Variants in NPHP3 observed in about 807,000 individuals in gnomAD.
The protein encoded by NPHP3 is nephrocystin 3.
Under a neutral mutation model 171.9 loss-of-function variants are expected in NPHP3, and 123 were observed. That is an observed-to-expected ratio of 0.72 (90% CI 0.62 to 0.83). The LOEUF is 0.83. Ranked by LOEUF, NPHP3 falls within the 40% of genes least tolerant of loss-of-function variation. NPHP3 has a pLI of 0.00. For missense variants in NPHP3, 1,506 were observed against 1,591.9 expected (o/e 0.95, Z 0.92); for synonymous variants, 558 against 579.2 (o/e 0.96, Z 0.52).
intron 4 of NPHP3, 44 bp downstream of exon 4, chr3:132,716,713 A>G (rs752033790): frequency 3.1e-6 from 5 of 1,592,466 alleles, no homozygotes; most frequent in African/African-American, 1.3e-5. Flanking sequence ...AAACATGAAC[A>G]GTCACTACCA....
chr3:132,710,259 G>A (rs938430169), intron 6 of NPHP3, among the ~76,000 whole-genome samples: 1 of 151,772 alleles, frequency 6.6e-6, no homozygotes, highest in African/African-American at 2.4e-5. Context: ...CAGTAAAGCT[G>A]AGGCATAATG....
chr3:132,697,890 T>TG (rs1429149660), intron 13 of NPHP3, among the ~76,000 whole-genome samples: 1 of 152,162 alleles, frequency 6.6e-6, no homozygotes, highest in African/African-American at 2.4e-5. Flanking sequence ...TAAAATTTCT[T>TG]GGGGGAGGCA....
chr3:132,711,925 G>T (rs1034137562), intron 6 of NPHP3, among the ~76,000 whole-genome samples: 25 of 152,170 alleles, frequency 1.6e-4, no homozygotes, highest in African/African-American at 6.0e-4. Context: ...TCTACAATGG[G>T]TTATGCTACA....
intron 23 of NPHP3, chr3:132,685,452 A>AT (rs1183152625): frequency 6.6e-6 from 1 of 152,162 alleles, no homozygotes; most frequent in Non-Finnish European, 1.5e-5. Context: ...ATAAATCATT[A>AT]TTTTTTATAT....
chr3:132,691,571 A>T (rs1939300821), intron 17 of NPHP3, among the ~76,000 whole-genome samples: 1 of 152,210 alleles, frequency 6.6e-6, no homozygotes, highest in African/African-American at 2.4e-5. Context: ...AAAAAGAATA[A>T]ATTATATTCA....
At position 132,697,310 on chromosome 3, in the gene NPHP3, T is replaced by C; in HGVS notation, c.2038A>G (p.Ile680Val). 1.9e-6 allele frequency: 3 copies of C among 1,612,604 alleles called. No homozygotes were observed. The highest frequency in any genetic ancestry group is 2.5e-6 in the Non-Finnish European group (3 of 1,179,520). Reference sequence around the variant, plus strand: ...ACAGAGTGGCATTCTGCAATTATAATAGATTTTGCATCTTTTGGACTTAAG... The same window carrying C: ...ACAGAGTGGCATTCTGCAATTATAACAGATTTTGCATCTTTTGGACTTAAG... ...DPLSPKDAKSIIIAECHSVDI... is the reference protein window; with the variant it reads ...DPLSPKDAKSVIIAECHSVDI... Residue 680 changes from isoleucine to valine, a missense_variant, in exon 14 of 27, where the codon ATT (isoleucine) becomes GTT (valine). Physicochemically the swap from Ile to Val is conservative, Grantham distance 29 (BLOSUM62 3). This residue lies in a region of NPHP3 where 930 missense variants were observed against 924.9 expected (regional missense o/e 1.01). Transcript: ENST00000337331.
chr3:132,701,324 A>G (rs984306479), intron 10 of NPHP3, 106 bp downstream of exon 10: 12 of 744,688 alleles, frequency 1.6e-5, no homozygotes, highest in African/African-American at 3.5e-5. Flanking sequence ...TACTTTGTTA[A>G]TGTTTAGTGT....
At position 132,704,221 on chromosome 3, in the gene NPHP3, C is replaced by T. The variant is rs751956211; in HGVS notation, c.1501G>A (p.Ala501Thr). 6.2e-7 allele frequency: 1 copy of T among 1,614,194 alleles called. No individual in the cohort carries two copies. The highest frequency in any genetic ancestry group is 2.2e-5 in the East Asian group (1 of 44,888). Residue 501 changes from alanine to threonine, a missense_variant, in exon 9 of 27, where the codon GCC becomes ACC. This residue lies in a region of NPHP3 where 930 missense variants were observed against 924.9 expected (regional missense o/e 1.01). Transcript: ENST00000337331. ...METFQQASNSAHELGFEKYYQ... is the reference protein window; with the variant it reads ...METFQQASNSTHELGFEKYYQ... ...ACTTTCTCAAATCCCAACTCATGGGCTGAATTAGAAGCCTGCTGAAAAGTT... is the reference window on the plus strand; with the variant it reads ...ACTTTCTCAAATCCCAACTCATGGGTTGAATTAGAAGCCTGCTGAAAAGTT...
intron 3 of NPHP3, 59 bp downstream of exon 3, chr3:132,718,935 C>T: frequency 6.4e-7 from 1 of 1,554,578 alleles, no homozygotes; most frequent in Non-Finnish European, 8.9e-7. Flanking sequence ...TCAAAGTTGG[C>T]TCTACATGTC....
At position 132,697,402 on chromosome 3, in the gene NPHP3, C is replaced by A. The variant is rs769763159; in HGVS notation, c.1986-40G>T. Reference sequence around the variant, plus strand: ...AAAGAAAAATGAAATTTTAATAATACAACAAGAACTGTAATTACCCATAAC... The same window carrying A: ...AAAGAAAAATGAAATTTTAATAATAAAACAAGAACTGTAATTACCCATAAC... On this transcript the variant is annotated intron_variant, in intron 13 of 26. Transcript: ENST00000337331. The A allele has an allele frequency of 6.2e-6, 8 of 1,290,124 alleles. No homozygotes were observed. The African/African-American group carries it at 1.0e-4, about 16-fold the overall frequency. 79.9% of individuals were successfully genotyped at this position (1,290,124 alleles called of 1,614,324 possible).
intron 9 of NPHP3, 50 bp downstream of exon 9, chr3:132,704,148 G>T: frequency 1.3e-6 from 2 of 1,505,184 alleles, no homozygotes; most frequent in Non-Finnish European, 9.3e-7. Flanking sequence ...TCATAATACA[G>T]CCTTTAAGTG....
intron 15 of NPHP3, among the ~76,000 whole-genome samples, chr3:132,696,465 T>C (rs1400731961): frequency 2.0e-5 from 3 of 152,158 alleles, no homozygotes; most frequent in African/African-American, 4.8e-5. Flanking sequence ...GGGCCACAAA[T>C]GAGGGTGAGG....
Position 132,697,292 on chromosome 3 carries a change from G to T in NPHP3, c.2056C>A (p.His686Asn). The T allele has an allele frequency of 1.9e-6, 3 of 1,611,410 alleles. No homozygotes were observed. Among genetic ancestry groups the T allele is most frequent in the Non-Finnish European group, 1.7e-6 (2 of 1,178,578 alleles). The change falls in exon 14 of 27, where the codon CAC becomes AAC. Residue 686 changes from histidine (H) to asparagine (N), a missense_variant. Transcript: ENST00000337331. Reference protein sequence around the residue: ...DAKSIIIAECHSVDIKLSKEQ... With the variant: ...DAKSIIIAECNSVDIKLSKEQ... ...TTACTCAATTTAATGTCTACAGAGTGGCATTCTGCAATTATAATAGATTTT... is the reference window on the plus strand; with the variant it reads ...TTACTCAATTTAATGTCTACAGAGTTGCATTCTGCAATTATAATAGATTTT...
intron 18 of NPHP3, 128 bp from the exon 19 acceptor site, chr3:132,690,778 T>A (rs990723887): frequency 1.0e-5 from 10 of 968,498 alleles, no homozygotes; most frequent in Non-Finnish European, 1.5e-5. Context: ...TATAATTTAA[T>A]ACTAAAAAAG....
chr3:132,713,478 T>C (rs1221790714), intron 5 of NPHP3, among the ~76,000 whole-genome samples, 192 bp from the exon 6 acceptor site: 1 of 152,170 alleles, frequency 6.6e-6, no homozygotes. Context: ...CAAATAATAA[T>C]AGCTTAGCAA....
Position 132,722,275 on chromosome 3 carries a change from G to A in NPHP3, c.81C>T (p.Ala27=), listed in dbSNP as rs201255331. 24 of 1,577,792 alleles carry A rather than the reference G, an allele frequency of 1.5e-5. No individual in the cohort carries two copies. The highest frequency in any genetic ancestry group is 2.8e-5 in the African/African-American group (2 of 72,032). Residue 27 remains alanine, a synonymous_variant, in exon 1 of 27, where the codon GCC becomes GCT. Coordinates refer to ENST00000337331, the MANE Select transcript of NPHP3 (RefSeq NM_153240.5). ...EDTYGAGGGE[A]CEIPVEVKPK... is the part of the protein sequence containing the mutation. ...GCTTCACCTCCACCGGGATCTCGCA[G>A]GCCTCGCCGCCGCCCGCCCCGTACG...
rs1939601120 is a variant in NPHP3, at chr3:132,701,357, T to G, written c.1628+73A>C. 3 of 1,029,706 alleles carry G rather than the reference T, an allele frequency of 2.9e-6. No individual in the cohort carries two copies. In the African/African-American group the frequency reaches 4.7e-5, roughly 16 times the overall value. 63.8% of individuals were successfully genotyped at this position (1,029,706 alleles called of 1,614,324 possible). A position where few individuals can be genotyped will look rare whatever the true frequency, so the allele number is the denominator to read the frequency against. ...TGTAGGCCGCGCAGGAAGGCAGGCA[T>G]GCAATACATTTTGTTGAATAGATTC... On this transcript the variant is annotated intron_variant, in intron 10 of 26. Transcript: ENST00000337331.
At chr3:132,702,791 A>T (rs1011771226) in intron 9 of NPHP3, among the ~76,000 whole-genome samples, 4 of 152,252 alleles carry the variant, frequency 2.6e-5, no homozygotes, top group African/African-American at 9.6e-5. Flanking sequence ...TTCAAATAGA[A>T]ATGATACTTC....
chr3:132,700,229 C>T, intron 11 of NPHP3, 105 bp downstream of exon 11: 1 of 1,155,734 alleles, frequency 8.7e-7, no homozygotes, highest in Admixed American at 1.9e-5. Flanking sequence ...AAAACCAAAA[C>T]AGGTGGATAA....
Sources: gnomAD v4.1 joint callset for allele counts (sites outside exome capture counted in the v4.1 genomes callset) on GRCh38, gnomAD v4.1.1 for gene constraint, gnomAD v4.1.1 regional missense constraint, MANE v1.5 for transcripts, NCBI Gene and HGNC (gene_info 2026-07-23, HGNC 2026-07-21) for gene names.